The following GPR55 variants were observed in gnomAD, a reference collection of about 807,000 sequenced individuals.
GPR55 encodes G protein-coupled receptor 55.
A neutral mutation model predicts 7.9 loss-of-function variants in GPR55; 6 were observed. The ratio of observed to expected loss-of-function variants is 0.76; its 90% CI spans 0.41 to 1.49. GPR55 has a LOEUF of 1.49. Ranked by LOEUF, GPR55 falls within the 40% of genes most tolerant of loss-of-function variation. The pLI is 0.01. For synonymous variants in GPR55, 183 were observed against 166.8 expected (o/e 1.10, Z -0.75); for missense variants, 376 against 406.0 (o/e 0.93, Z 0.63).
At chr2:230,948,904 C>G (rs1691356627) in intron 1 of GPR55, among the ~76,000 whole-genome samples, 1 of 152,012 alleles carries the variant, frequency 6.6e-6, no homozygotes, top group Non-Finnish European at 1.5e-5. Context: ...ATTGGGAGAC[C>G]CTATCTTTAC....
In GPR55 at chr2:230,944,697, G is replaced by A. The variant is rs1169868853; in HGVS notation, c.-135+16078C>T. On this transcript the variant is annotated intron_variant, in intron 1 of 1. Transcript: ENST00000392039. This position sits in a 1 kb window ranked among gnomAD's most constrained non-coding sequence, Gnocchi z 4.2. Reference sequence around the variant, plus strand: ...TGTCACAAATTTACTTTGATCTCATGTACCCCGTAAATACAGACACCTACT... The same window carrying A: ...TGTCACAAATTTACTTTGATCTCATATACCCCGTAAATACAGACACCTACT... Among the ~76,000 whole-genome samples the A allele has an allele frequency of 6.6e-6, 1 of 152,188 alleles. No individual in the cohort carries two copies. Among genetic ancestry groups the A allele is most frequent in the Non-Finnish European group, 1.5e-5 (1 of 68,032 alleles).
At chr2:230,915,686 G>T (rs531524005) in intron 1 of GPR55, among the ~76,000 whole-genome samples, 1 of 152,284 alleles carries the variant, frequency 6.6e-6, no homozygotes, top group African/African-American at 2.4e-5. Flanking sequence ...ATGTCCCGCT[G>T]ACATGTTTAA....
intron 1 of GPR55, among the ~76,000 whole-genome samples, chr2:230,958,955 CAT>C (rs1214301727): frequency 2.6e-5 from 4 of 152,170 alleles, no homozygotes; most frequent in Admixed American, 1.3e-4. Flanking sequence ...TTATAACTGT[CAT>C]AAATCACATT....
chr2:230,916,490 C>T (rs1019260733), intron 1 of GPR55, among the ~76,000 whole-genome samples: 6 of 151,736 alleles, frequency 4.0e-5, no homozygotes, highest in African/African-American at 1.2e-4. Flanking sequence ...TGCCACTGCA[C>T]TCCAGCCTGT....
chr2:230,940,002 C>T (rs1263313351), intron 1 of GPR55, among the ~76,000 whole-genome samples: 3 of 152,110 alleles, frequency 2.0e-5, no homozygotes, highest in Non-Finnish European at 2.9e-5. Context: ...ACTGCCACCC[C>T]CAGTAGGCCC....
intron 1 of GPR55, among the ~76,000 whole-genome samples, chr2:230,951,773 T>TG (rs1286459506): frequency 6.7e-6 from 1 of 150,224 alleles, no homozygotes; most frequent in Non-Finnish European, 1.5e-5. Flanking sequence ...TTTTTTTTTT[T>TG]TGTGAGACAG....
rs543850845 is a variant in GPR55 at position 230,950,686 on chromosome 2, G to A, written c.-135+10089C>T. ...GGCTTTTGTCCACAGTTTCTGGCTC[G>A]GAACCCCCATAGTCCCTGTTACAGT... On this transcript the variant is annotated intron_variant, in intron 1 of 1. Coordinates refer to the GPR55 transcript ENST00000392039. Among the ~76,000 whole-genome samples, 13 of 152,202 alleles carry A rather than the reference G, an allele frequency of 8.5e-5. No individual in the cohort carries two copies. In the South Asian group the frequency reaches 2.3e-3, roughly 27 times the overall value.
At chr2:230,922,116 T>C (rs1222390603) in intron 1 of GPR55, among the ~76,000 whole-genome samples, 1 of 152,226 alleles carries the variant, frequency 6.6e-6, no homozygotes, top group Admixed American at 6.5e-5. Flanking sequence ...AGGGAATTCA[T>C]GCACACAGCC....
At chr2:230,950,575 G>A (rs572805588) in intron 1 of GPR55, among the ~76,000 whole-genome samples, 7 of 152,168 alleles carry the variant, frequency 4.6e-5, no homozygotes, top group Non-Finnish European at 7.4e-5. Context: ...ATAGAGATTC[G>A]CGACACTGGA....
At chr2:230,938,942 A>G (rs1691176045) in intron 1 of GPR55, among the ~76,000 whole-genome samples, 2 of 152,196 alleles carry the variant, frequency 1.3e-5, no homozygotes, top group Admixed American at 1.3e-4. Flanking sequence ...ATCGCCCCCA[A>G]GTAGCACTTC....
chr2:230,916,111 C>T (rs1022465873), intron 1 of GPR55, among the ~76,000 whole-genome samples: 5 of 151,664 alleles, frequency 3.3e-5, no homozygotes, highest in Admixed American at 1.3e-4. Context: ...TAGTGGCTCA[C>T]ACCTGTAATC....
rs1691277727 is a variant in GPR55 at position 230,944,215 on chromosome 2, C to G, written c.-135+16560G>C. Among the ~76,000 whole-genome samples the G allele has an allele frequency of 6.6e-6, 1 of 152,224 alleles. No homozygotes were observed. Among genetic ancestry groups the G allele is most frequent in the African/African-American group, 2.4e-5 (1 of 41,468 alleles). Reference sequence around the variant, plus strand: ...AAATTACCCACCACTGGACATTGGACAGGGCAAAGCTGTGGTGTGGAAAGG... The same window carrying G: ...AAATTACCCACCACTGGACATTGGAGAGGGCAAAGCTGTGGTGTGGAAAGG... On this transcript the variant is annotated intron_variant, in intron 1 of 1. Coordinates refer to the GPR55 transcript ENST00000392039. The surrounding 1 kb of genome is among the most constrained non-coding windows in gnomAD (Gnocchi z 4.2).
chr2:230,925,499 C>A (rs1690927162), upstream of GPR55, among the ~76,000 whole-genome samples: 2 of 152,100 alleles, frequency 1.3e-5, 1 homozygote, highest in South Asian at 4.2e-4. Flanking sequence ...AAACAAAAAA[C>A]CAAAAAGCCA....
chr2:230,941,868 A>G (rs1174194968), intron 1 of GPR55, among the ~76,000 whole-genome samples: 1 of 152,212 alleles, frequency 6.6e-6, no homozygotes, highest in Non-Finnish European at 1.5e-5. Context: ...TGCATCTTAC[A>G]TTGTAAGATC....
chr2:230,953,727 T>C (rs1274927816), intron 1 of GPR55, among the ~76,000 whole-genome samples: 1 of 152,218 alleles, frequency 6.6e-6, no homozygotes. Context: ...CTGTACATCC[T>C]GTGTCCCTCA....
Position 230,933,043 on chromosome 2 carries a change from C to G in GPR55, c.-134-21947G>C, listed in dbSNP as rs111289700. 4.6e-5 allele frequency among the ~76,000 whole-genome samples: 7 copies of G among 151,142 alleles called. 1 individual carries two copies. Among genetic ancestry groups the G allele is most frequent in the African/African-American group, 1.7e-4 (7 of 40,930 alleles). ...AAGGGAAAATGGGTCTGCTTTCACC[C>G]GGCTGCTTCCAGCCCACTCCTTTCC... is the stretch of plus-strand genomic sequence containing the variant. On this transcript the variant is annotated intron_variant, in intron 1 of 1. Coordinates refer to the GPR55 transcript ENST00000392039.
chr2:230,948,312 C>G (rs1456503743), intron 1 of GPR55, among the ~76,000 whole-genome samples: 1 of 152,200 alleles, frequency 6.6e-6, no homozygotes, highest in Non-Finnish European at 1.5e-5. Context: ...TCCTCCCTCC[C>G]CATCTCCTGA....
chr2:230,956,423 C>T (rs1293512046), intron 1 of GPR55, among the ~76,000 whole-genome samples: 1 of 152,178 alleles, frequency 6.6e-6, no homozygotes, highest in Non-Finnish European at 1.5e-5. Flanking sequence ...CGCCTCCAGC[C>T]TCCCAAAGTG....
In GPR55 at chr2:230,950,474, G is replaced by C. The variant is rs73995423; in HGVS notation, c.-135+10301C>G. Among the ~76,000 whole-genome samples the C allele has an allele frequency of 3.5e-3, 537 of 151,560 alleles. 5 individuals carry two copies. Among genetic ancestry groups the C allele is most frequent in the African/African-American group, 0.012 (494 of 41,274 alleles). On this transcript the variant is annotated intron_variant, in intron 1 of 1. Coordinates refer to the GPR55 transcript ENST00000392039. ...TTTTCTCGTTTTGCTCTTCTTTCCCGCACTCCAGCCTCAGACCTCATAACG... is the reference window on the plus strand; with the variant it reads ...TTTTCTCGTTTTGCTCTTCTTTCCCCCACTCCAGCCTCAGACCTCATAACG...
Sources: gnomAD v4.1 joint callset for allele counts (sites outside exome capture counted in the v4.1 genomes callset) on GRCh38, gnomAD v4.1.1 for gene constraint, Gnocchi (gnomAD v3.1) non-coding constraint, MANE v1.5 for transcripts, NCBI Gene and HGNC (gene_info 2026-07-23, HGNC 2026-07-21) for gene names.